Variants in SLC7A9 observed in about 807,000 individuals in gnomAD.
SLC7A9 encodes the protein B(0,+)-type amino acid transporter 1.
In SLC7A9, 38 loss-of-function variants were observed where a neutral mutation model predicts 54.1. That is an observed-to-expected ratio of 0.70 (90% CI 0.54 to 0.92). The LOEUF (loss-of-function observed/expected upper bound fraction) is 0.92. Ranked by LOEUF, SLC7A9 falls within the 40% of genes least tolerant of loss-of-function variation. The probability of loss-of-function intolerance (pLI) is 0.00; values close to 1 mark genes in which losing one functional copy is unlikely to be tolerated. For synonymous variants in SLC7A9, 264 were observed against 258.9 expected, an observed-to-expected ratio of 1.02 and a Z score of -0.19; for missense variants, 537 against 636.1, an observed-to-expected ratio of 0.84 and a Z score of 1.68.
At chr19:32,852,622 A>G (rs1431811531) in intron 9 of SLC7A9, among the ~76,000 whole-genome samples, 3 of 152,332 alleles carry the variant, frequency 2.0e-5, no homozygotes, top group Non-Finnish European at 2.9e-5. Context: ...ACATATCTTA[A>G]CTTTGAATTG....
At position 32,864,375 on chromosome 19, in the gene SLC7A9, T is replaced by G. The variant is rs750616949; in HGVS notation, c.236-37A>C. On this transcript the variant is annotated intron_variant, in intron 3 of 12. Transcript: ENST00000023064. The stretch of plus-strand genomic sequence containing the variant: ...AGAGGAAGGGCCCACAGGCCCCTTG[T>G]GAGGCACTGCCCCGGCCCCAGGGAG... 13 of 1,612,562 alleles carry G rather than the reference T, an allele frequency of 8.1e-6. No homozygotes were observed. The South Asian group carries it at 1.4e-4, about 18-fold the overall frequency.
intron 11 of SLC7A9, among the ~76,000 whole-genome samples, chr19:32,839,503 A>C (rs1968068795): frequency 1.3e-5 from 2 of 149,766 alleles, no homozygotes; most frequent in African/African-American, 4.9e-5. Flanking sequence ...CAGTGAGCTG[A>C]GATGGCGCCA....
intron 2 of SLC7A9, among the ~76,000 whole-genome samples, chr19:32,865,958 C>CAAA (rs34667172): frequency 8.4e-6 from 1 of 119,376 alleles, no homozygotes; most frequent in Admixed American, 8.7e-5. Flanking sequence ...GAGACTGTCT[C>CAAA]AAAAAAAAAA....
At position 32,864,909 on chromosome 19, in the gene SLC7A9, C is replaced by T. The variant is rs113385213; in HGVS notation, c.88-133G>A. ...ATGTCCCAGGCGCTTCCACCCTGAG[C>T]GGCTGCCCTGGCAACACCGGGGCAC... On this transcript the variant is annotated intron_variant, in intron 2 of 12. Transcript: ENST00000023064. The T allele has an allele frequency of 2.7e-5, 32 of 1,193,892 alleles. 3 individuals are homozygous for T. In the African/African-American group the frequency reaches 2.8e-4, roughly 11 times the overall value. The allele number at this position is 1,193,892 out of a possible 1,614,324, so 74.0% of individuals were successfully genotyped here. A position where few individuals can be genotyped will look rare whatever the true frequency, so the allele number is the denominator to read the frequency against.
chr19:32,856,910 TG>T (rs1465519476), intron 9 of SLC7A9, among the ~76,000 whole-genome samples: 1 of 152,098 alleles, frequency 6.6e-6, no homozygotes, highest in Non-Finnish European at 1.5e-5. Context: ...CCCAACACTT[TG>T]GGAGGCTGAG....
chr19:32,866,065 A>G (rs551332767), intron 2 of SLC7A9, among the ~76,000 whole-genome samples: 1 of 152,248 alleles, frequency 6.6e-6, no homozygotes, highest in East Asian at 1.9e-4. Flanking sequence ...TCGTCCTCAG[A>G]AGCAGCCCCG....
intron 9 of SLC7A9, among the ~76,000 whole-genome samples, chr19:32,845,269 T>C (rs1243900117): frequency 6.6e-6 from 1 of 151,944 alleles, no homozygotes; most frequent in Non-Finnish European, 1.5e-5. Context: ...CCGAGACAGG[T>C]GGACTGCTTG....
At chr19:32,836,814 C>T (rs1288497472) in intron 11 of SLC7A9, among the ~76,000 whole-genome samples, 1 of 152,152 alleles carries the variant, frequency 6.6e-6, no homozygotes, top group African/African-American at 2.4e-5. Context: ...AAACTTACCT[C>T]TTCATTGTGG....
chr19:32,844,567 C>T (rs1249702958), intron 9 of SLC7A9, among the ~76,000 whole-genome samples: 2 of 152,228 alleles, frequency 1.3e-5, no homozygotes, highest in Non-Finnish European at 2.9e-5. Context: ...CACAGTGGCT[C>T]ACACCTGTAA....
chr19:32,867,059 C>G (rs2145850859), intron 2 of SLC7A9, among the ~76,000 whole-genome samples: 1 of 152,322 alleles, frequency 6.6e-6, no homozygotes, highest in East Asian at 1.9e-4. Flanking sequence ...CAGGGCCAGC[C>G]CCAGCTGCTC....
chr19:32,835,937 C>G, intron 11 of SLC7A9, among the ~76,000 whole-genome samples: 1 of 137,072 alleles, frequency 7.3e-6, no homozygotes, highest in African/African-American at 2.7e-5. Context: ...GTGTGTGTGT[C>G]CGAGTCTCAC....
rs572333229 is a variant in SLC7A9 at position 32,859,265 on chromosome 19, G to A, written c.873+576C>T. 3.9e-5 allele frequency among the ~76,000 whole-genome samples: 6 copies of A among 152,060 alleles called. No homozygotes were observed. The East Asian group carries it at 7.8e-4, about 20-fold the overall frequency. On this transcript the variant is annotated intron_variant, in intron 8 of 12. Coordinates refer to ENST00000023064, the MANE Select transcript of SLC7A9 (RefSeq NM_014270.5). ...GGCACTCGCCACCACACCCAGCTGC[G>A]TAATTCTTGGTCATTTCAATATCCT...
chr19:32,856,445 C>T (rs941464434), intron 9 of SLC7A9, among the ~76,000 whole-genome samples: 2 of 152,116 alleles, frequency 1.3e-5, no homozygotes, highest in Non-Finnish European at 2.9e-5. Context: ...CTGCCCGCCT[C>T]GGCCTCCCAA....
At chr19:32,834,936 G>A (rs1349792681) in intron 11 of SLC7A9, among the ~76,000 whole-genome samples, 9 of 151,916 alleles carry the variant, frequency 5.9e-5, no homozygotes, top group African/African-American at 9.7e-5. Flanking sequence ...GATTACAGGC[G>A]TGTGCCAACA....
intron 11 of SLC7A9, among the ~76,000 whole-genome samples, chr19:32,836,497 T>C (rs1246436960): frequency 6.6e-6 from 1 of 152,232 alleles, no homozygotes; most frequent in Admixed American, 6.5e-5. Flanking sequence ...TCTGGGGTTT[T>C]CTTTTTGAAA....
Position 32,864,285 on chromosome 19 carries a change from A to G in SLC7A9, c.289T>C (p.Tyr97His). ...GTMITKSGGEYPYLMEAYGPI... is the reference protein window; with the variant it reads ...GTMITKSGGEHPYLMEAYGPI... ...CCGTAGGCCTCCATCAGGTAGGGAT[A>G]CTCTCCCCCTGACTTGGTGATCATT... The change falls in exon 4 of 13, where the codon TAT becomes CAT. Residue 97 changes from tyrosine (Y) to histidine (H), a missense_variant. Physicochemically the swap from Tyr to His is moderately conservative, Grantham distance 83. Transcript: ENST00000023064. The G allele has an allele frequency of 1.9e-6, 3 of 1,613,630 alleles. No homozygotes were observed. Among genetic ancestry groups the G allele is most frequent in the Non-Finnish European group, 1.7e-6 (2 of 1,179,886 alleles).
At chr19:32,858,643 C>T in intron 8 of SLC7A9, 100 bp from the exon 9 acceptor site, 1 of 867,030 alleles carries the variant, frequency 1.2e-6, no homozygotes, top group South Asian at 1.4e-5. Flanking sequence ...CCCAGGGACC[C>T]ACCTCGCCTC....
chr19:32,834,948 G>T (rs1284942798), intron 11 of SLC7A9, among the ~76,000 whole-genome samples: 1 of 151,908 alleles, frequency 6.6e-6, no homozygotes, highest in Non-Finnish European at 1.5e-5. Flanking sequence ...GTGCCAACAT[G>T]CCCAGCTAAT....
chr19:32,839,472 G>C (rs750254416), intron 11 of SLC7A9, among the ~76,000 whole-genome samples: 1 of 149,788 alleles, frequency 6.7e-6, no homozygotes, highest in South Asian at 2.1e-4. Flanking sequence ...AGAATTGCTT[G>C]AACCCAGGAG....
Sources: allele counts gnomAD v4.1 joint callset (sites outside exome capture counted in the v4.1 genomes callset), GRCh38; gene constraint gnomAD v4.1.1; transcripts MANE v1.5; gene names NCBI Gene and HGNC (gene_info 2026-07-23, HGNC 2026-07-21).